The following ADD3 variants were observed in gnomAD, a reference collection of about 807,000 sequenced individuals.
The protein encoded by ADD3 is adducin 3.
ADD3 carries 25 observed loss-of-function variants against 80.2 expected under a neutral mutation model. The observed-to-expected ratio is 0.31, with a 90% CI of 0.23 to 0.44. The LOEUF (loss-of-function observed/expected upper bound fraction) is 0.44. ADD3 is among the 20% of genes least tolerant of loss of function. The pLI is 1.00. For missense variants in ADD3, 829 were observed against 847.5 expected, an observed-to-expected ratio of 0.98 and a Z score of 0.27; for synonymous variants, 284 against 289.6, an observed-to-expected ratio of 0.98 and a Z score of 0.20.
intron 1 of ADD3, among the ~76,000 whole-genome samples, chr10:110,039,452 G>GA (rs1331518588): frequency 6.6e-6 from 1 of 152,130 alleles, no homozygotes; most frequent in African/African-American, 2.4e-5. Flanking sequence ...CAGCCACCTG[G>GA]ATATAATCTA....
chr10:110,096,078 T>C (rs1848113982), intron 1 of ADD3, among the ~76,000 whole-genome samples: 1 of 152,154 alleles, frequency 6.6e-6, no homozygotes, highest in South Asian at 2.1e-4. Flanking sequence ...AGTTTTGCAA[T>C]GTGTTGCCAT....
At chr10:110,120,486 T>G (rs1851352536) in intron 8 of ADD3, among the ~76,000 whole-genome samples, 1 of 152,078 alleles carries the variant, frequency 6.6e-6, no homozygotes, top group African/African-American at 2.4e-5. Flanking sequence ...GTTGGACATT[T>G]GGTTGGTTCC....
chr10:110,029,025 A>C (rs778069807), intron 1 of ADD3, among the ~76,000 whole-genome samples: 6 of 152,176 alleles, frequency 3.9e-5, no homozygotes, highest in Middle Eastern at 3.4e-3. Context: ...GATTACAGGC[A>C]TGTGTCACCA....
At chr10:110,029,665 G>GA (rs973752703) in intron 1 of ADD3, among the ~76,000 whole-genome samples, 3 of 152,158 alleles carry the variant, frequency 2.0e-5, no homozygotes, top group African/African-American at 7.2e-5. Flanking sequence ...AGTCACATTT[G>GA]AAAAATCCAG....
Position 110,124,385 on chromosome 10 carries a change from T to C in ADD3, c.1401+111T>C, listed in dbSNP as rs775299545. The stretch of plus-strand genomic sequence containing the variant: ...GGAAAGTAAAATAATATTAAAAATA[T>C]TACTGTCACTTATCTGGCTTTAACT... On this transcript the variant is annotated intron_variant, in intron 10 of 14. Coordinates refer to ENST00000356080, the MANE Select transcript of ADD3 (RefSeq NM_016824.5). 8.3e-4 allele frequency: 1,040 copies of C among 1,254,092 alleles called. 4 individuals carry two copies. The highest frequency in any genetic ancestry group is 8.9e-4 in the Non-Finnish European group (813 of 914,446). The allele number at this position is 1,254,092 out of a possible 1,614,324, so 77.7% of individuals were successfully genotyped here. A position where few individuals can be genotyped will look rare whatever the true frequency, so the allele number is the denominator to read the frequency against.
intron 1 of ADD3, among the ~76,000 whole-genome samples, chr10:110,055,555 T>C (rs1858078538): frequency 6.6e-6 from 1 of 152,078 alleles, no homozygotes; most frequent in South Asian, 2.1e-4. Context: ...GATTTTTTTT[T>C]CTAAGAAAAG....
rs12252610 is a variant in ADD3 at position 110,097,614 on chromosome 10, A to G, written c.-29-3011A>G. Among the ~76,000 whole-genome samples the G allele has an allele frequency of 4.1e-3, 626 of 152,226 alleles. 8 individuals are homozygous for G. The highest frequency in any genetic ancestry group is 0.014 in the African/African-American group (576 of 41,532). Reference sequence around the variant, plus strand: ...ACATTGATGTAAATACTATTATCAAATTTACAGATTCTATTTAAATTTCAC... The same window carrying G: ...ACATTGATGTAAATACTATTATCAAGTTTACAGATTCTATTTAAATTTCAC... On this transcript the variant is annotated intron_variant, in intron 1 of 14. Transcript: ENST00000356080.
intron 13 of ADD3, 56 bp from the exon 14 acceptor site, chr10:110,132,249 T>A: frequency 7.7e-7 from 1 of 1,306,670 alleles, no homozygotes; most frequent in Non-Finnish European, 1.1e-6. Flanking sequence ...CTCCCTAAAA[T>A]CATATGCTGC....
chr10:110,118,282 A>G (rs1851037047), intron 5 of ADD3, among the ~76,000 whole-genome samples: 1 of 152,204 alleles, frequency 6.6e-6, no homozygotes, highest in Non-Finnish European at 1.5e-5. Flanking sequence ...CAGACCTCCG[A>G]TGAAGAGCTT....
intron 12 of ADD3, among the ~76,000 whole-genome samples, chr10:110,126,998 G>C (rs1815717231): frequency 6.6e-6 from 1 of 152,126 alleles, no homozygotes; most frequent in African/African-American, 2.4e-5. Context: ...AATTATAATT[G>C]TTCCCAATTT....
At chr10:110,124,295 G>A in intron 10 of ADD3, 21 bp downstream of exon 10, 1 of 1,605,614 alleles carries the variant, frequency 6.2e-7, no homozygotes, top group South Asian at 1.1e-5. Flanking sequence ...ATTTTATGTA[G>A]TTTGCCTTTA....
intron 1 of ADD3, among the ~76,000 whole-genome samples, chr10:110,015,171 T>G (rs546444687): frequency 1.3e-5 from 2 of 152,280 alleles, no homozygotes; most frequent in South Asian, 2.1e-4. Flanking sequence ...AAAAGGAATT[T>G]TTTTCTTTCT....
intron 1 of ADD3, among the ~76,000 whole-genome samples, chr10:110,079,547 T>C (rs1166034017): frequency 6.6e-6 from 1 of 151,420 alleles, no homozygotes; most frequent in Non-Finnish European, 1.5e-5. Flanking sequence ...TATACCATTA[T>C]GTATCTACTC....
At chr10:110,106,644 A>G (rs554753052) in intron 2 of ADD3, among the ~76,000 whole-genome samples, 3 of 152,222 alleles carry the variant, frequency 2.0e-5, no homozygotes, top group Admixed American at 2.0e-4. Flanking sequence ...ATATAAAATA[A>G]AAGGGTGTGA....
upstream of ADD3, among the ~76,000 whole-genome samples, chr10:110,006,609 G>T (rs144034111): frequency 1.2e-3 from 186 of 152,326 alleles, no homozygotes; most frequent in Non-Finnish European, 2.4e-3. Context: ...GATGGTGGTA[G>T]ACTAAAATTT....
At chr10:110,036,661 C>G (rs898357167) in intron 1 of ADD3, among the ~76,000 whole-genome samples, 1 of 152,090 alleles carries the variant, frequency 6.6e-6, no homozygotes, top group African/African-American at 2.4e-5. Context: ...CGTGAGCCAC[C>G]ACGCCCAGCC....
chr10:109,998,678 T>C (rs918676781), intron 1 of ADD3, among the ~76,000 whole-genome samples: 2 of 152,146 alleles, frequency 1.3e-5, no homozygotes, highest in Non-Finnish European at 1.5e-5. Flanking sequence ...TTGACCACCA[T>C]GCCTTTCCCT....
intron 2 of ADD3, chr10:110,106,070 C>T (rs1849366391): frequency 6.6e-6 from 1 of 151,892 alleles, no homozygotes; most frequent in South Asian, 2.1e-4. Flanking sequence ...TTGTTATGCT[C>T]CTAATCCTGC....
intron 3 of ADD3, among the ~76,000 whole-genome samples, chr10:110,115,404 C>T (rs891449719): frequency 6.6e-6 from 1 of 151,582 alleles, no homozygotes. Context: ...AAAAACAAAA[C>T]AAGCAGGCTG....
Sources: gnomAD v4.1 joint callset for allele counts (sites outside exome capture counted in the v4.1 genomes callset) on GRCh38, gnomAD v4.1.1 for gene constraint, MANE v1.5 for transcripts, NCBI Gene and HGNC (gene_info 2026-07-23, HGNC 2026-07-21) for gene names.